Variants in ACACB observed in about 807,000 individuals in gnomAD.
ACACB encodes the protein acetyl-CoA carboxylase 2.
A neutral mutation model predicts 278.8 loss-of-function variants in ACACB; 209 were observed. The observed-to-expected ratio is 0.75, with a 90% confidence interval of 0.67 to 0.84. The LOEUF is 0.84. ACACB is among the 40% of genes least tolerant of loss of function. The probability of loss-of-function intolerance (pLI) is 0.00; values close to 1 mark genes in which losing one functional copy is unlikely to be tolerated. For synonymous variants in ACACB, 1,174 were observed against 1,285.6 expected (o/e 0.91, Z 1.86); for missense variants, 2,850 against 3,269.0 (o/e 0.87, Z 3.13).
chr12:109,200,953 G>A (rs968621810), intron 18 of ACACB, among the ~76,000 whole-genome samples: 2 of 151,208 alleles, frequency 1.3e-5, no homozygotes, highest in African/African-American at 2.4e-5. Context: ...CAGAGGTATT[G>A]GTGGGGGCAG....
In ACACB at chr12:109,235,336, A is replaced by G. The variant is rs989005970; in HGVS notation, c.4371A>G (p.Gly1457=). ...AGAAAAATATCCTTGTGGATTATGG[A>G]CTCCGACGAATCACATTCTTGATTG... ...QSKKNILVDY[G]LRRITFLIAQ... Residue 1457 remains glycine (G), a synonymous_variant, in exon 32 of 53, where the codon GGA becomes GGG. Transcript: ENST00000338432. 6.2e-6 allele frequency: 10 copies of G among 1,613,922 alleles called. No homozygotes were observed. The highest frequency in any genetic ancestry group is 1.7e-5 in the Admixed American group (1 of 59,986).
rs143941952 is a variant in ACACB, at chr12:109,264,297, C to T, written c.6853C>T (p.Leu2285=). 1.6e-4 allele frequency: 259 copies of T among 1,614,072 alleles called. No homozygotes were observed. Among genetic ancestry groups the T allele is most frequent in the Non-Finnish European group, 2.1e-4 (243 of 1,180,048 alleles). Residue 2285 remains leucine, a synonymous_variant, in exon 50 of 53, where the codon CTG becomes TTG. Transcript: ENST00000338432. ...LEGRLKARED[L]LLPIYHQVAV... is the part of the protein sequence containing the mutation. ...GGGCCGGCTAAAGGCTCGCGAGGACCTGCTGCTCCCCATCTACCACCAGGT... is the reference window on the plus strand; with the variant it reads ...GGGCCGGCTAAAGGCTCGCGAGGACTTGCTGCTCCCCATCTACCACCAGGT...
At chr12:109,156,623 A>C in intron 2 of ACACB, among the ~76,000 whole-genome samples, 1 of 148,374 alleles carries the variant, frequency 6.7e-6, no homozygotes, top group Non-Finnish European at 1.5e-5. Context: ...GCTATTATCA[A>C]CAGCACAGTG....
intron 17 of ACACB, 47 bp from the exon 18 acceptor site, chr12:109,199,355 T>G: frequency 7.3e-7 from 1 of 1,378,718 alleles, no homozygotes; most frequent in South Asian, 1.9e-5. Flanking sequence ...GCTTGCTGAG[T>G]TGGTAGTCCT....
At chr12:109,245,829 C>G in intron 38 of ACACB, 81 bp downstream of exon 38, 1 of 1,540,710 alleles carries the variant, frequency 6.5e-7, no homozygotes, top group South Asian at 1.2e-5. Context: ...TAGCTCACAC[C>G]TGTAATCCCA....
chr12:109,124,968 C>A (rs1023656437), intron 1 of ACACB, among the ~76,000 whole-genome samples: 6 of 152,190 alleles, frequency 3.9e-5, no homozygotes, highest in Non-Finnish European at 7.3e-5. Context: ...CCCGCCTTGG[C>A]CTTCCAAAGA....
At chr12:109,188,309 T>G in intron 13 of ACACB, 147 bp downstream of exon 13, 1 of 840,778 alleles carries the variant, frequency 1.2e-6, no homozygotes. Context: ...TCAGCCTTTC[T>G]CCTTTTTTCC....
intron 6 of ACACB, 68 bp from the exon 7 acceptor site, chr12:109,174,064 C>T (rs573576515): frequency 5.1e-6 from 7 of 1,385,234 alleles, no homozygotes; most frequent in East Asian, 2.5e-5. Context: ...TGCACTCGGT[C>T]GGCCTTCAGC....
intron 11 of ACACB, among the ~76,000 whole-genome samples, chr12:109,182,812 A>G (rs1004295492): frequency 1.3e-5 from 2 of 151,812 alleles, no homozygotes; most frequent in Admixed American, 6.6e-5. Flanking sequence ...ATGTGATCCC[A>G]TTTGTCCTTT....
chr12:109,208,499 C>T (rs897030050), intron 20 of ACACB, among the ~76,000 whole-genome samples: 1 of 152,200 alleles, frequency 6.6e-6, no homozygotes, highest in Non-Finnish European at 1.5e-5. Context: ...TCAGCCACCG[C>T]ACCCCACAAT....
intron 12 of ACACB, 140 bp downstream of exon 12, chr12:109,185,880 G>A: frequency 1.4e-6 from 1 of 721,704 alleles, no homozygotes; most frequent in Non-Finnish European, 2.1e-6. Flanking sequence ...GGCATGGGAA[G>A]GGACATCCCA....
chr12:109,157,305 A>C (rs76940307), intron 2 of ACACB, among the ~76,000 whole-genome samples: 9,351 of 151,388 alleles, frequency 0.062, 371 homozygotes, highest in Non-Finnish European at 0.083. Context: ...TATTACAGAC[A>C]GGGTCTTGCT....
chr12:109,234,798 C>T (rs149477971), intron 31 of ACACB, among the ~76,000 whole-genome samples: 1,628 of 114,776 alleles, frequency 0.014, 15 homozygotes, highest in Non-Finnish European at 0.019. Flanking sequence ...CGGGGCCTGT[C>T]GGGGGGTGGG....
intron 7 of ACACB, 104 bp downstream of exon 7, chr12:109,174,334 C>A: frequency 2.4e-6 from 2 of 831,904 alleles, no homozygotes; most frequent in Non-Finnish European, 1.7e-6. Flanking sequence ...CTTTCCATTA[C>A]AAATGTTACT....
At chr12:109,137,462 C>T (rs953978173) in intron 1 of ACACB, among the ~76,000 whole-genome samples, 2 of 152,040 alleles carry the variant, frequency 1.3e-5, no homozygotes, top group Non-Finnish European at 2.9e-5. Context: ...GAGTTAGACA[C>T]CAGCCTAGCC....
Position 109,176,004 on chromosome 12 carries a change from C to T in ACACB, c.1290C>T (p.Asp430=), listed in dbSNP as rs1392290869. ...TCAGTGTCCCAGAAGATGTTTATGA[C>T]AAGGGTTGCGTGAAAGACGTAGATG... ...KRISVPEDVY[D]KGCVKDVDEG... is the part of the protein sequence containing the mutation. The change falls in exon 8 of 53, where the codon GAC becomes GAT. Residue 430 remains aspartate (D), a synonymous_variant. Coordinates refer to ENST00000338432, the MANE Select transcript of ACACB (RefSeq NM_001093.4). The T allele has an allele frequency of 6.2e-6, 10 of 1,614,130 alleles. No homozygotes were observed. Among genetic ancestry groups the T allele is most frequent in the Non-Finnish European group, 8.5e-6 (10 of 1,180,034 alleles).
At chr12:109,129,163 A>G (rs1390741595) in intron 1 of ACACB, among the ~76,000 whole-genome samples, 1 of 152,158 alleles carries the variant, frequency 6.6e-6, no homozygotes, top group Non-Finnish European at 1.5e-5. Flanking sequence ...CCACAACTCT[A>G]AAAAACAAGG....
chr12:109,210,307 A>ACG lies in ACACB; in HGVS notation c.3249+955_3249+956insGC, dbSNP rs367874492. On this transcript the variant is annotated intron_variant, in intron 21 of 52. Coordinates refer to ENST00000338432, the MANE Select transcript of ACACB (RefSeq NM_001093.4). ...CATATCTGTGTGTATATGTATATAT[A>ACG]CACACACATATCTGTGTATATATGT... Among the ~76,000 whole-genome samples, 260 of 61,448 alleles carry ACG rather than the reference A, an allele frequency of 4.2e-3. 25 individuals are homozygous for ACG. The highest frequency in any genetic ancestry group is 0.013 in the African/African-American group (224 of 17,472). The allele number at this position is 61,448 out of a possible 152,430, so 40.3% of individuals were successfully genotyped here.
intron 9 of ACACB, among the ~76,000 whole-genome samples, chr12:109,178,011 G>C (rs896694968): frequency 1.3e-5 from 2 of 152,108 alleles, no homozygotes; most frequent in Non-Finnish European, 2.9e-5. Flanking sequence ...TAGAGAGTCA[G>C]TCAAGTCAGC....
Sources: gnomAD v4.1 joint callset for allele counts (sites outside exome capture counted in the v4.1 genomes callset) on GRCh38, gnomAD v4.1.1 for gene constraint, MANE v1.5 for transcripts, NCBI Gene and HGNC (gene_info 2026-07-23, HGNC 2026-07-21) for gene names.